Variants in DSCAM observed in about 807,000 individuals in gnomAD.
DSCAM encodes the protein DS cell adhesion molecule.
A neutral mutation model predicts 217.7 loss-of-function variants in DSCAM; 47 were observed. The observed-to-expected ratio is 0.22, with a 90% CI of 0.17 to 0.28. DSCAM has a LOEUF of 0.28. DSCAM is among the 10% of genes least tolerant of loss of function. The pLI is 1.00. For synonymous variants in DSCAM, 1,056 were observed against 1,015.3 expected (o/e 1.04, Z -0.76); for missense variants, 2,080 against 2,618.3 (o/e 0.79, Z 4.49).
At chr21:40,053,848 G>A (rs546958264) in intron 29 of DSCAM, among the ~76,000 whole-genome samples, 1 of 152,280 alleles carries the variant, frequency 6.6e-6, no homozygotes, top group South Asian at 2.1e-4. Context: ...GACCACTCAT[G>A]GCATCTGCCT....
At chr21:40,059,740 CCTA>C in intron 28 of DSCAM, among the ~76,000 whole-genome samples, 1 of 152,188 alleles carries the variant, frequency 6.6e-6, no homozygotes, top group East Asian at 1.9e-4. Flanking sequence ...GGTAAAATGA[CCTA>C]CTAAGATCTG....
rs540996533 is a variant in DSCAM at position 40,484,409 on chromosome 21, C to A, written c.509-115164G>T. Among the ~76,000 whole-genome samples, 49 of 152,306 alleles carry A rather than the reference C, an allele frequency of 3.2e-4. 1 individual carries two copies. The South Asian group carries it at 7.9e-3, about 24-fold the overall frequency. On this transcript the variant is annotated intron_variant, in intron 3 of 32. Transcript: ENST00000400454. ...AAAACACTTCCTGTCCATAGCAAGG[C>A]AAAGGACTCCTGTTCTCAGTGCTGC...
intron 15 of DSCAM, among the ~76,000 whole-genome samples, chr21:40,171,683 G>C (rs1735481443): frequency 6.6e-6 from 1 of 151,024 alleles, no homozygotes; most frequent in South Asian, 2.1e-4. Context: ...TTGTTTGCTT[G>C]TGTTTTACAA....
intron 3 of DSCAM, among the ~76,000 whole-genome samples, chr21:40,557,704 A>T (rs1373531999): frequency 6.6e-6 from 1 of 152,164 alleles, no homozygotes; most frequent in Non-Finnish European, 1.5e-5. Flanking sequence ...CATGAGTGGA[A>T]GCAACCTGAG....
chr21:40,507,185 G>A (rs1039819064), intron 3 of DSCAM, among the ~76,000 whole-genome samples: 2 of 152,148 alleles, frequency 1.3e-5, no homozygotes, highest in Admixed American at 6.5e-5. Context: ...GCTGAGGCAG[G>A]AGAATTGCTT....
At chr21:40,387,282 G>A (rs73229152) in intron 3 of DSCAM, among the ~76,000 whole-genome samples, 11,216 of 151,646 alleles carry the variant, frequency 0.074, 746 homozygotes, top group Admixed American at 0.23. Flanking sequence ...CAGCAATGAG[G>A]AAATGGAAGG....
At chr21:40,084,067 AAC>A (rs1348035622) in intron 23 of DSCAM, 61 bp from the exon 24 acceptor site, 2 of 1,376,252 alleles carry the variant, frequency 1.5e-6, no homozygotes, top group Non-Finnish European at 2.0e-6. Context: ...AACTTTCCTG[AAC>A]AGTCATTTAC....
At chr21:40,691,042 T>G (rs946623799) in intron 3 of DSCAM, among the ~76,000 whole-genome samples, 1 of 152,120 alleles carries the variant, frequency 6.6e-6, no homozygotes, top group Non-Finnish European at 1.5e-5. Context: ...GACACAAGTT[T>G]ACCTGTGTAA....
At chr21:40,511,873 C>T (rs1489027590) in intron 3 of DSCAM, among the ~76,000 whole-genome samples, 1 of 151,138 alleles carries the variant, frequency 6.6e-6, no homozygotes, top group African/African-American at 2.4e-5. Flanking sequence ...CGCCTGTAGT[C>T]CCAGCTACTA....
In DSCAM at chr21:40,307,244, A is replaced by AC. The variant is rs942291229; in HGVS notation, c.2062+4836_2062+4837insG. Among the ~76,000 whole-genome samples the AC allele has an allele frequency of 5.4e-3, 822 of 152,024 alleles. 12 individuals carry two copies. The highest frequency in any genetic ancestry group is 0.019 in the African/African-American group (782 of 41,432). On this transcript the variant is annotated intron_variant, in intron 9 of 32. Transcript: ENST00000400454. ...ACTCAAACAAATTTACAAGAAAAAAAAAACAACCCCATCAAAAAGTAGGCA... is the reference window on the plus strand; with the variant it reads ...ACTCAAACAAATTTACAAGAAAAAAACAAACAACCCCATCAAAAAGTAGGCA...
intron 3 of DSCAM, among the ~76,000 whole-genome samples, chr21:40,544,487 G>A (rs2076565985): frequency 6.6e-6 from 1 of 152,278 alleles, no homozygotes; most frequent in African/African-American, 2.4e-5. Flanking sequence ...CGTAAGAAGA[G>A]GAGAGGCCAC....
chr21:40,842,312 TG>T (rs1329086004), intron 1 of DSCAM, among the ~76,000 whole-genome samples: 18 of 152,294 alleles, frequency 1.2e-4, no homozygotes, highest in African/African-American at 4.3e-4. Context: ...TCTGGAGAGG[TG>T]GGCCACGCAT....
intron 28 of DSCAM, 123 bp downstream of exon 28, chr21:40,062,746 T>C (rs954305660): frequency 1.1e-6 from 1 of 913,824 alleles, no homozygotes; most frequent in East Asian, 3.0e-5. Context: ...ATTACAGTTT[T>C]TTCTAAAAAG....
intron 9 of DSCAM, among the ~76,000 whole-genome samples, chr21:40,298,715 C>T (rs1169355308): frequency 6.6e-6 from 1 of 152,120 alleles, no homozygotes; most frequent in Non-Finnish European, 1.5e-5. Context: ...GGAAAATCTG[C>T]AGCCATCCAC....
chr21:40,703,825 C>T (rs2146473027), intron 2 of DSCAM, among the ~76,000 whole-genome samples: 1 of 152,154 alleles, frequency 6.6e-6, no homozygotes, highest in South Asian at 2.1e-4. Context: ...TTCACCATCC[C>T]TTCCCTTGGG....
rs536213671 is a variant in DSCAM at position 40,704,365 on chromosome 21, C to T, written c.361+4089G>A. Reference sequence around the variant, plus strand: ...CATATCTTTTCATAGCTTGATAGCACATTTTTTCTATCGCTGACTAATACT... The same window carrying T: ...CATATCTTTTCATAGCTTGATAGCATATTTTTTCTATCGCTGACTAATACT... On this transcript the variant is annotated intron_variant, in intron 2 of 32. Transcript: ENST00000400454. Among the ~76,000 whole-genome samples the T allele has an allele frequency of 2.0e-4, 30 of 152,242 alleles. No individual in the cohort carries two copies. The South Asian group carries it at 5.8e-3, about 29-fold the overall frequency.
intron 6 of DSCAM, among the ~76,000 whole-genome samples, chr21:40,347,082 C>T (rs1233465430): frequency 6.6e-6 from 1 of 152,092 alleles, no homozygotes; most frequent in Non-Finnish European, 1.5e-5. Flanking sequence ...GGGCAGATCA[C>T]CTGGTCAGAA....
At chr21:40,519,613 G>A (rs987772766) in intron 3 of DSCAM, among the ~76,000 whole-genome samples, 3 of 152,154 alleles carry the variant, frequency 2.0e-5, no homozygotes, top group Non-Finnish European at 4.4e-5. Context: ...CCAGTAGTGT[G>A]AGGAAGAAAT....
intron 20 of DSCAM, among the ~76,000 whole-genome samples, chr21:40,115,720 T>A (rs1465384385): frequency 6.6e-6 from 1 of 152,158 alleles, no homozygotes; most frequent in Non-Finnish European, 1.5e-5. Context: ...ATAAATTAGT[T>A]CAGGCATTGT....
Sources: allele counts gnomAD v4.1 joint callset (sites outside exome capture counted in the v4.1 genomes callset), GRCh38; gene constraint gnomAD v4.1.1; transcripts MANE v1.5; gene names NCBI Gene and HGNC (gene_info 2026-07-23, HGNC 2026-07-21).